ZCWPW2: variants seen among roughly 807,000 people sequenced by gnomAD.
ZCWPW2 encodes zinc finger CW-type and PWWP domain containing 2.
ZCWPW2 carries 45 observed loss-of-function variants against 46.6 expected under a neutral mutation model. The observed-to-expected ratio is 0.96, with a 90% CI of 0.76 to 1.24. The LOEUF is 1.24. ZCWPW2 is among the 50% of genes most tolerant of loss of function. The probability of loss-of-function intolerance (pLI) is 0.00; values close to 1 mark genes in which losing one functional copy is unlikely to be tolerated. For synonymous variants in ZCWPW2, 152 were observed against 137.1 expected (o/e 1.11, Z -0.76); for missense variants, 429 against 403.9 (o/e 1.06, Z -0.53).
chr3:28,483,150 A>C (rs1467148438), intron 5 of ZCWPW2, among the ~76,000 whole-genome samples: 1 of 152,086 alleles, frequency 6.6e-6, no homozygotes, highest in Non-Finnish European at 1.5e-5. Flanking sequence ...ATTCATTGTG[A>C]GTTCCTTTTT....
chr3:28,477,395 T>A (rs1046789782), intron 4 of ZCWPW2, among the ~76,000 whole-genome samples: 2 of 152,200 alleles, frequency 1.3e-5, no homozygotes, highest in Non-Finnish European at 2.9e-5. Context: ...TATCAGCCTC[T>A]TTCTGAATAC....
chr3:28,392,463 T>A (rs1695531555), intron 2 of ZCWPW2, among the ~76,000 whole-genome samples: 1 of 152,186 alleles, frequency 6.6e-6, no homozygotes. Flanking sequence ...TTGGACCTAA[T>A]GGACCTAACA....
intron 4 of ZCWPW2, among the ~76,000 whole-genome samples, chr3:28,464,594 C>G (rs1698753557): frequency 6.6e-6 from 1 of 152,096 alleles, no homozygotes; most frequent in South Asian, 2.1e-4. Flanking sequence ...AATATATTTT[C>G]TGCAATTTCT....
intron 1 of ZCWPW2, among the ~76,000 whole-genome samples, chr3:28,372,539 A>G (rs974405545): frequency 2.0e-5 from 3 of 152,344 alleles, no homozygotes; most frequent in East Asian, 1.9e-4. Flanking sequence ...CAGTGTAGCC[A>G]TTGATATTAA....
At chr3:28,370,443 C>G (rs1402431598) in intron 1 of ZCWPW2, among the ~76,000 whole-genome samples, 3 of 152,214 alleles carry the variant, frequency 2.0e-5, no homozygotes, top group South Asian at 2.1e-4. Context: ...TAGCTACAAG[C>G]AATAGCATGG....
intron 4 of ZCWPW2, among the ~76,000 whole-genome samples, chr3:28,435,784 C>T (rs2125764405): frequency 6.6e-6 from 1 of 152,114 alleles, no homozygotes; most frequent in South Asian, 2.1e-4. Flanking sequence ...CTGCGCCCAG[C>T]CTTAAATTTT....
At chr3:28,518,996 T>C (rs1700651871) in intron 8 of ZCWPW2, among the ~76,000 whole-genome samples, 1 of 152,206 alleles carries the variant, frequency 6.6e-6, no homozygotes, top group African/African-American at 2.4e-5. Flanking sequence ...AGACATGACA[T>C]TGTTATATTT....
chr3:28,485,904 T>A (rs1424394509), intron 5 of ZCWPW2, among the ~76,000 whole-genome samples: 1 of 152,090 alleles, frequency 6.6e-6, no homozygotes, highest in East Asian at 1.9e-4. Flanking sequence ...GATTTTTAGA[T>A]TTTATATAAT....
chr3:28,435,305 C>G (rs776223970), intron 4 of ZCWPW2, 36 bp downstream of exon 4: 1 of 1,548,362 alleles, frequency 6.5e-7, no homozygotes, highest in Admixed American at 2.3e-5. Context: ...ATTCTTCTTG[C>G]ACTTATTTTT....
chr3:28,437,988 G>A (rs1697568448), intron 4 of ZCWPW2, among the ~76,000 whole-genome samples: 1 of 152,280 alleles, frequency 6.6e-6, no homozygotes, highest in Non-Finnish European at 1.5e-5. Context: ...GGCTTGGACT[G>A]TATGCTGCAG....
intron 3 of ZCWPW2, among the ~76,000 whole-genome samples, chr3:28,434,552 C>T (rs563068044): frequency 1.3e-5 from 2 of 152,240 alleles, no homozygotes; most frequent in East Asian, 3.9e-4. Context: ...GGCAATGCAG[C>T]AGATGGAGGA....
At chr3:28,391,105 A>T (rs1575080227) in intron 2 of ZCWPW2, among the ~76,000 whole-genome samples, 1 of 148,864 alleles carries the variant, frequency 6.7e-6, no homozygotes, top group Non-Finnish European at 1.5e-5. Context: ...GTTAAGGGAG[A>T]TTACATAAGA....
intron 1 of ZCWPW2, among the ~76,000 whole-genome samples, chr3:28,357,712 A>T (rs555595323): frequency 6.6e-6 from 1 of 151,552 alleles, no homozygotes; most frequent in East Asian, 1.9e-4. Flanking sequence ...CTCGTTCTCT[A>T]GCTTATATAT....
chr3:28,468,095 A>G (rs909862907), intron 4 of ZCWPW2, among the ~76,000 whole-genome samples: 12 of 152,154 alleles, frequency 7.9e-5, no homozygotes, highest in Admixed American at 7.9e-4. Context: ...TTCGAATTCT[A>G]TCAGATTAAT....
intron 2 of ZCWPW2, among the ~76,000 whole-genome samples, chr3:28,409,990 A>G (rs1212468113): frequency 6.6e-6 from 1 of 152,124 alleles, no homozygotes. Flanking sequence ...GTAAAAGTAA[A>G]GGGATGGTAA....
In ZCWPW2 at chr3:28,502,778, A is replaced by G. The variant is rs565679581; in HGVS notation, c.657+10605A>G. 8.5e-5 allele frequency among the ~76,000 whole-genome samples: 13 copies of G among 152,206 alleles called. No individual in the cohort carries two copies. In the South Asian group the frequency reaches 2.3e-3, roughly 27 times the overall value. ...TAAGGGGCTGTTCTAAGAAAGTAGA[A>G]GTGGAGAGGGGTATAGTGATGCCTT... On this transcript the variant is annotated intron_variant, in intron 6 of 9. Coordinates refer to ENST00000383768, the MANE Select transcript of ZCWPW2 (RefSeq NM_001040432.4).
At chr3:28,467,000 G>A (rs1001077851) in intron 4 of ZCWPW2, among the ~76,000 whole-genome samples, 2 of 152,014 alleles carry the variant, frequency 1.3e-5, no homozygotes, top group Non-Finnish European at 2.9e-5. Context: ...AGAGAGTTAG[G>A]CCTATAAAAT....
intron 1 of ZCWPW2, among the ~76,000 whole-genome samples, chr3:28,372,886 T>A (rs549497976): frequency 1.3e-5 from 2 of 152,324 alleles, no homozygotes; most frequent in South Asian, 4.1e-4. Context: ...TTTGATTTTC[T>A]GTTTCAATTA....
chr3:28,497,323 C>T (rs946843401), intron 6 of ZCWPW2, among the ~76,000 whole-genome samples: 17 of 151,236 alleles, frequency 1.1e-4, no homozygotes. Context: ...ATATATGTTA[C>T]TCTATAGATT....
Sources: gnomAD v4.1 joint callset for allele counts (sites outside exome capture counted in the v4.1 genomes callset) on GRCh38, gnomAD v4.1.1 for gene constraint, MANE v1.5 for transcripts, NCBI Gene and HGNC (gene_info 2026-07-23, HGNC 2026-07-21) for gene names.